Variants in TTLL13 observed in about 807,000 individuals in gnomAD.
TTLL13 encodes tubulin tyrosine ligase like 13, also known as tubulin polyglutamylase TTLL13.
the TTLL13 span, chr15:90,263,553 G>A: frequency 1.8e-6 from 1 of 549,968 alleles, no homozygotes; most frequent in South Asian, 2.7e-5. Flanking sequence ...CAAAAGAGCT[G>A]CCGCTTTCAC....
the TTLL13 span, chr15:90,257,039 G>T: frequency 6.9e-6 from 8 of 1,166,760 alleles, no homozygotes; most frequent in African/African-American, 3.1e-5. Context: ...CATGGTTATT[G>T]TGGAAATTCA....
At chr15:90,263,063 T>A in the TTLL13 span, 3 of 1,536,040 alleles carry the variant, frequency 2.0e-6, no homozygotes, top group Non-Finnish European at 2.6e-6. Context: ...GAGACTCTCA[T>A]CCGAAGCCTG....
chr15:90,264,930 G>A, the TTLL13 span: 2 of 1,535,926 alleles, frequency 1.3e-6, no homozygotes, highest in Non-Finnish European at 1.7e-6. Flanking sequence ...ATGCTGCAGC[G>A]TTCCAGAGCA....
At chr15:90,265,437 G>A in the TTLL13 span, 1 of 1,310,896 alleles carries the variant, frequency 7.6e-7, no homozygotes, top group Non-Finnish European at 9.7e-7. Context: ...ACGGCTCTTG[G>A]AAACGGAATC....
chr15:90,264,009 G>C, the TTLL13 span: 2 of 1,536,130 alleles, frequency 1.3e-6, no homozygotes, highest in Non-Finnish European at 1.7e-6. Flanking sequence ...TGTCAATGAA[G>C]AAGGCTGGGA....
chr15:90,264,200 CTT>C, the TTLL13 span: 2 of 606,054 alleles, frequency 3.3e-6, no homozygotes, highest in Non-Finnish European at 5.7e-6. Flanking sequence ...TTATTTACTC[CTT>C]TTTTTTTGAG....
the TTLL13 span, among the ~76,000 whole-genome samples, chr15:90,256,548 T>TCTTTCTTTCTTTCTTTCTTTCTTTC: frequency 1.3e-4 from 3 of 23,172 alleles, no homozygotes; most frequent in African/African-American, 7.3e-4. Flanking sequence ...CCTTCCTTTT[T>TCTTTCTTTCTTTCTTTCTTTCTTTC]CTTTCTTTCT....
At chr15:90,264,107 C>A in the TTLL13 span, 1 of 1,214,702 alleles carries the variant, frequency 8.2e-7, no homozygotes, top group Non-Finnish European at 1.2e-6. Context: ...GTAAATCCCA[C>A]TAGCAAGCAT....
chr15:90,264,223 G>A, the TTLL13 span, among the ~76,000 whole-genome samples: 2 of 152,026 alleles, frequency 1.3e-5, no homozygotes, highest in Admixed American at 6.6e-5. Context: ...ACAAGGTCAC[G>A]CTCTGTCGCC....
the TTLL13 span, among the ~76,000 whole-genome samples, chr15:90,254,802 C>T: frequency 6.6e-6 from 1 of 150,932 alleles, no homozygotes; most frequent in African/African-American, 2.4e-5. Context: ...GCTGAGATCA[C>T]ACCACTGCAC....
At chr15:90,251,464 A>C in the TTLL13 span, 4 of 1,305,790 alleles carry the variant, frequency 3.1e-6, no homozygotes, top group Non-Finnish European at 4.4e-6. Flanking sequence ...GAGAAAAGGA[A>C]TTGTGTTGTG....
At chr15:90,250,010 T>G in the TTLL13 span, among the ~76,000 whole-genome samples, 1 of 151,788 alleles carries the variant, frequency 6.6e-6, no homozygotes, top group African/African-American at 2.4e-5. Flanking sequence ...CAGGCTGGAG[T>G]GCAGTGGTGT....
the TTLL13 span, chr15:90,262,791 A>G: frequency 8.2e-7 from 1 of 1,219,680 alleles, no homozygotes; most frequent in Non-Finnish European, 1.1e-6. Flanking sequence ...GTTCCTAATC[A>G]GTAAATTGAA....
the TTLL13 span, chr15:90,251,730 C>A: frequency 1.2e-6 from 1 of 847,626 alleles, no homozygotes; most frequent in Non-Finnish European, 2.0e-6. Context: ...CTGTACTGAG[C>A]TTCCTAGGTG....
the TTLL13 span, among the ~76,000 whole-genome samples, chr15:90,261,166 C>G: frequency 1.3e-5 from 2 of 150,722 alleles, no homozygotes; most frequent in African/African-American, 4.9e-5. Context: ...GCAACTTCCA[C>G]CTCCTGGGTT....
chr15:90,258,371 G>A, the TTLL13 span: 7 of 1,026,894 alleles, frequency 6.8e-6, no homozygotes, highest in Non-Finnish European at 1.0e-5. Context: ...CACAGAATGG[G>A]AGATGTGAAA....
chr15:90,255,856 C>A, the TTLL13 span: 1 of 1,614,202 alleles, frequency 6.2e-7, no homozygotes, highest in Non-Finnish European at 8.5e-7. Context: ...AGTACAACAT[C>A]TTCCCCCGCA....
the TTLL13 span, chr15:90,263,770 C>A: frequency 1.4e-6 from 1 of 699,552 alleles, no homozygotes; most frequent in South Asian, 1.5e-5. Flanking sequence ...GCTGGGCAGT[C>A]AAGAACTGAA....
At chr15:90,265,171 G>A in the TTLL13 span, 19 of 1,280,382 alleles carry the variant, frequency 1.5e-5, no homozygotes, top group African/African-American at 3.0e-5. Flanking sequence ...AAGACTAGAA[G>A]ATGAAGAGGC....
Sources: gnomAD v4.1 joint callset for allele counts (sites outside exome capture counted in the v4.1 genomes callset) on GRCh38, gnomAD v4.1.1 for gene constraint, MANE v1.5 for transcripts, NCBI Gene and HGNC (gene_info 2026-07-23, HGNC 2026-07-21) for gene names.